The following IMMP2L variants were observed in gnomAD, a reference collection of about 807,000 sequenced individuals.
IMMP2L encodes the protein inner mitochondrial membrane peptidase subunit 2.
In IMMP2L, 18 loss-of-function variants were observed where a neutral mutation model predicts 19.3. That is an observed-to-expected ratio of 0.93 (90% CI 0.64 to 1.38). IMMP2L has a LOEUF of 1.38. Ranked by LOEUF, IMMP2L falls within the 40% of genes most tolerant of loss-of-function variation. The pLI is 0.00. For missense variants in IMMP2L, 233 were observed against 218.2 expected, an observed-to-expected ratio of 1.07 and a Z score of -0.43; for synonymous variants, 76 against 73.0, an observed-to-expected ratio of 1.04 and a Z score of -0.21.
chr7:110,819,217 G>T lies in IMMP2L; in HGVS notation c.408+67376C>A, dbSNP rs751732099. The stretch of plus-strand genomic sequence containing the variant: ...CCTTTGGAACTGTAACTTAACTTGG[G>T]TGGAACCTTGCTGGAAGTCATGGTA... On this transcript the variant is annotated intron_variant, in intron 5 of 5. Transcript: ENST00000405709. Among the ~76,000 whole-genome samples, 8 of 152,072 alleles carry T rather than the reference G, an allele frequency of 5.3e-5. No homozygotes were observed. In the East Asian group the frequency reaches 1.4e-3, roughly 26 times the overall value.
intron 5 of IMMP2L, among the ~76,000 whole-genome samples, chr7:110,763,187 G>A (rs1011740786): frequency 1.3e-5 from 2 of 152,086 alleles, no homozygotes; most frequent in Non-Finnish European, 1.5e-5. Context: ...TGAGAGTGGG[G>A]GAAGGAAAAT....
At chr7:110,995,232 G>C (rs567637143) in intron 3 of IMMP2L, among the ~76,000 whole-genome samples, 28 of 152,214 alleles carry the variant, frequency 1.8e-4, no homozygotes, top group Admixed American at 7.2e-4. Flanking sequence ...TGAAGAAATA[G>C]AATTGGAAGA....
At chr7:110,848,147 T>C (rs937313541) in intron 5 of IMMP2L, among the ~76,000 whole-genome samples, 2 of 152,132 alleles carry the variant, frequency 1.3e-5, no homozygotes, top group African/African-American at 4.8e-5. Context: ...GAGAAAGTAT[T>C]TGTAAAAGAA....
chr7:110,719,832 T>C (rs1456877687), intron 5 of IMMP2L, among the ~76,000 whole-genome samples: 1 of 152,236 alleles, frequency 6.6e-6, no homozygotes. Context: ...TTCTGAATTA[T>C]AGCACTCTTT....
At chr7:111,238,393 G>C (rs1215133362) in intron 3 of IMMP2L, among the ~76,000 whole-genome samples, 1 of 152,002 alleles carries the variant, frequency 6.6e-6, no homozygotes, top group East Asian at 1.9e-4. Context: ...GAAGACAATA[G>C]TAATAATTAC....
At chr7:111,499,685 G>A (rs1843963566) in intron 2 of IMMP2L, among the ~76,000 whole-genome samples, 1 of 152,130 alleles carries the variant, frequency 6.6e-6, no homozygotes, top group South Asian at 2.1e-4. Context: ...TGTTGTCAAG[G>A]CCTCCCATCT....
At chr7:111,122,420 T>G in intron 3 of IMMP2L, 1 of 184,068 alleles carries the variant, frequency 5.4e-6, no homozygotes, top group Admixed American at 5.9e-5. Context: ...TTTAGCATCA[T>G]GCTGCTATTC....
At chr7:111,325,988 T>G (rs1311677127) in intron 3 of IMMP2L, among the ~76,000 whole-genome samples, 1 of 151,814 alleles carries the variant, frequency 6.6e-6, no homozygotes, top group African/African-American at 2.4e-5. Context: ...TTGCTATTTA[T>G]AATTTATTAC....
At chr7:111,420,080 T>C (rs1330757982) in intron 3 of IMMP2L, among the ~76,000 whole-genome samples, 1 of 151,900 alleles carries the variant, frequency 6.6e-6, no homozygotes, top group Non-Finnish European at 1.5e-5. Context: ...GTTAAAATGG[T>C]ACATTACATG....
chr7:110,712,276 G>A (rs1250898706), intron 5 of IMMP2L, among the ~76,000 whole-genome samples: 4 of 92,022 alleles, frequency 4.3e-5, no homozygotes, highest in South Asian at 4.3e-4. Flanking sequence ...GCTGTGTGAG[G>A]TGTCAGTGTG....
chr7:111,188,928 A>G (rs561350838), intron 3 of IMMP2L, among the ~76,000 whole-genome samples: 16 of 152,220 alleles, frequency 1.1e-4, no homozygotes, highest in Admixed American at 9.8e-4. Context: ...ATAACTAGCT[A>G]ACTTCCTGGA....
intron 3 of IMMP2L, among the ~76,000 whole-genome samples, chr7:111,481,568 A>T (rs958582990): frequency 2.0e-5 from 3 of 152,134 alleles, no homozygotes; most frequent in African/African-American, 7.2e-5. Context: ...CAAAAAAATA[A>T]GCAGTCAATA....
intron 5 of IMMP2L, among the ~76,000 whole-genome samples, chr7:110,881,092 A>C (rs1585122418): frequency 6.6e-6 from 1 of 152,144 alleles, no homozygotes; most frequent in Admixed American, 6.6e-5. Context: ...TCTTAATTAC[A>C]GCAACAAATC....
At chr7:111,382,403 C>T (rs1164899735) in intron 3 of IMMP2L, among the ~76,000 whole-genome samples, 1 of 151,992 alleles carries the variant, frequency 6.6e-6, no homozygotes, top group East Asian at 1.9e-4. Flanking sequence ...TGATGACCTT[C>T]ATGAAGGCGA....
At chr7:110,751,890 C>A (rs911706193) in intron 5 of IMMP2L, among the ~76,000 whole-genome samples, 1 of 151,860 alleles carries the variant, frequency 6.6e-6, no homozygotes, top group Non-Finnish European at 1.5e-5. Context: ...ACATGCATCC[C>A]AAAACCTTTA....
chr7:110,819,635 A>G (rs1047078132), intron 5 of IMMP2L, among the ~76,000 whole-genome samples: 2 of 152,050 alleles, frequency 1.3e-5, no homozygotes, highest in African/African-American at 2.4e-5. Context: ...TAAACCACAC[A>G]GTATGAATTC....
At chr7:110,937,649 T>C (rs930876430) in intron 4 of IMMP2L, among the ~76,000 whole-genome samples, 1 of 152,046 alleles carries the variant, frequency 6.6e-6, no homozygotes, top group Admixed American at 6.6e-5. Flanking sequence ...AGAATGGGAG[T>C]AGGAGAAAGG....
At chr7:111,274,387 G>A (rs777605445) in intron 3 of IMMP2L, among the ~76,000 whole-genome samples, 1 of 152,056 alleles carries the variant, frequency 6.6e-6, no homozygotes, top group East Asian at 1.9e-4. Flanking sequence ...TACTTTACTT[G>A]AGCCTCTCTA....
intron 3 of IMMP2L, among the ~76,000 whole-genome samples, chr7:111,291,980 T>C (rs748421066): frequency 5.9e-5 from 9 of 152,202 alleles, no homozygotes; most frequent in Non-Finnish European, 1.2e-4. Flanking sequence ...AAATCACTAC[T>C]GTGGTGATTT....
Sources: gnomAD v4.1 joint callset for allele counts (sites outside exome capture counted in the v4.1 genomes callset) on GRCh38, gnomAD v4.1.1 for gene constraint, MANE v1.5 for transcripts, NCBI Gene and HGNC (gene_info 2026-07-23, HGNC 2026-07-21) for gene names.